The following PCDHGB1 variants were observed in gnomAD, a reference collection of about 807,000 sequenced individuals.
PCDHGB1 encodes the protein protocadherin gamma-B1.
PCDHGB1 carries 34 observed loss-of-function variants against 56.6 expected under a neutral mutation model. The ratio of observed to expected loss-of-function variants is 0.60; its 90% CI spans 0.46 to 0.80. The LOEUF (loss-of-function observed/expected upper bound fraction) is 0.80. Ranked by LOEUF, PCDHGB1 falls within the 30% of genes least tolerant of loss-of-function variation. The pLI is 0.00. For missense variants in PCDHGB1, 1,278 were observed against 1,204.6 expected, an observed-to-expected ratio of 1.06 and a Z score of -0.90; for synonymous variants, 561 against 505.9, an observed-to-expected ratio of 1.11 and a Z score of -1.46.
chr5:141,482,404 A>C (rs1262544355), intron 1 of PCDHGB1, among the ~76,000 whole-genome samples: 1 of 152,076 alleles, frequency 6.6e-6, no homozygotes, highest in Non-Finnish European at 1.5e-5. Flanking sequence ...GTACTCAATA[A>C]CTATTTGTTG....
intron 1 of PCDHGB1, chr5:141,478,479 C>T (rs750055106): frequency 1.9e-6 from 3 of 1,613,550 alleles, no homozygotes; most frequent in Admixed American, 1.7e-5. Context: ...CGCCAGAACA[C>T]GCTGCGGAGC....
At position 141,383,787 on chromosome 5, in the gene PCDHGB1, G is replaced by A. The variant is rs773505278; in HGVS notation, c.2409+31118G>A. 12 of 1,613,832 alleles carry A rather than the reference G, an allele frequency of 7.4e-6. No homozygotes were observed. In the South Asian group the frequency reaches 7.7e-5, roughly 10 times the overall value. On this transcript the variant is annotated intron_variant, in intron 1 of 3. Transcript: ENST00000523390. ...TTCCAAAGATGTTTCATCTGAACTC[G>A]CTTACAGGAGAAATATCAACTTTAG...
rs1301352900 is a variant in PCDHGB1, at chr5:141,491,765, A to T, written c.2410-3042A>T. ...GGCACTGGAGAAGCCGCCCGTCCTC[A>T]TAAGGGATTGAACTTGCATCCACTC... On this transcript the variant is annotated intron_variant, in intron 1 of 3. Transcript: ENST00000523390. The surrounding 1 kb of genome is among the most constrained non-coding windows in gnomAD (Gnocchi z 6.9). 1.3e-6 allele frequency: 2 copies of T among 1,569,228 alleles called. No individual in the cohort carries two copies. Among genetic ancestry groups the T allele is most frequent in the Non-Finnish European group, 1.7e-6 (2 of 1,158,736 alleles).
intron 1 of PCDHGB1, chr5:141,393,420 G>A (rs2092755571): frequency 1.2e-6 from 2 of 1,614,050 alleles, no homozygotes; most frequent in Non-Finnish European, 1.7e-6. Context: ...CCTGGACAGG[G>A]AGGAAGAGGC....
intron 1 of PCDHGB1, chr5:141,430,441 C>A (rs1168234012): frequency 5.2e-6 from 1 of 192,346 alleles, no homozygotes; most frequent in Non-Finnish European, 1.0e-5. Flanking sequence ...GATTTCCATC[C>A]CCTTTTGAAG....
intron 1 of PCDHGB1, chr5:141,385,646 C>A: frequency 1.4e-6 from 1 of 737,590 alleles, no homozygotes; most frequent in Non-Finnish European, 1.7e-6. Flanking sequence ...TTTCATATTG[C>A]ACAAGGTTAG....
chr5:141,350,496 G>C lies in PCDHGB1; in HGVS notation c.236G>C (p.Gly79Ala). ...TATTTCAACGTTAGTTTGGAGAGCGGGGATTTGTTAGTGAACGGTAGGATA... is the reference window on the plus strand; with the variant it reads ...TATTTCAACGTTAGTTTGGAGAGCGCGGATTTGTTAGTGAACGGTAGGATA... Reference protein sequence around the residue: ...EDYFNVSLESGDLLVNGRIDR... With the variant: ...EDYFNVSLESADLLVNGRIDR... The change falls in exon 1 of 4, where the codon GGG becomes GCG. Residue 79 changes from glycine to alanine, a missense_variant. Physicochemically the swap from Gly to Ala is moderately conservative, Grantham distance 60. Coordinates refer to ENST00000523390, the MANE Select transcript of PCDHGB1 (RefSeq NM_018922.3). The C allele has an allele frequency of 6.2e-7, 1 of 1,614,034 alleles. No homozygotes were observed. The highest frequency in any genetic ancestry group is 1.3e-5 in the African/African-American group (1 of 75,048).
At position 141,491,566 on chromosome 5, in the gene PCDHGB1, A is replaced by G; in HGVS notation, c.2410-3241A>G. Reference sequence around the variant, plus strand: ...AGACTCGCAGAGCCACTGCTACAGGACGTGCTTTTCACCGGCCTCGGACGG... The same window carrying G: ...AGACTCGCAGAGCCACTGCTACAGGGCGTGCTTTTCACCGGCCTCGGACGG... On this transcript the variant is annotated intron_variant, in intron 1 of 3. Transcript: ENST00000523390. This position sits in a 1 kb window ranked among gnomAD's most constrained non-coding sequence, Gnocchi z 6.9. 1 of 1,613,950 alleles carries G rather than the reference A, an allele frequency of 6.2e-7. No individual in the cohort carries two copies.
At chr5:141,371,681 T>A (rs529874051) in intron 1 of PCDHGB1, 27 of 1,613,832 alleles carry the variant, frequency 1.7e-5, no homozygotes, top group Non-Finnish European at 2.0e-5. Flanking sequence ...ACAAAGGCAA[T>A]CCACCGCTCT....
rs767340665 is a variant in PCDHGB1, at chr5:141,351,013, C to A, written c.753C>A (p.Asn251Lys). 1 of 1,614,062 alleles carries A rather than the reference C, an allele frequency of 6.2e-7. No homozygotes were observed. The highest frequency in any genetic ancestry group is 2.2e-5 in the East Asian group (1 of 44,890). The stretch of plus-strand genomic sequence containing the variant: ...TATACAGGGTTAGCCTCCAAGAAAA[C>A]GTACCGTGGGGAACCTCCGTGCTGC... ...QEVYRVSLQE[N>K]VPWGTSVLRV... Residue 251 changes from asparagine (N) to lysine (K), a missense_variant, in exon 1 of 4, where the codon AAC becomes AAA. Physicochemically the swap from Asn to Lys is moderately conservative, Grantham distance 94. Transcript: ENST00000523390.
At chr5:141,373,797 C>G (rs1369464661) in intron 1 of PCDHGB1, 1 of 311,662 alleles carries the variant, frequency 3.2e-6, no homozygotes, top group Non-Finnish European at 5.8e-6. Context: ...AAATAAAATC[C>G]TCTGTGTGAT....
At chr5:141,427,188 A>G (rs1346514063) in intron 1 of PCDHGB1, 1 of 456,744 alleles carries the variant, frequency 2.2e-6, no homozygotes, top group Admixed American at 2.3e-5. Flanking sequence ...AATTAAATCC[A>G]AAGACTTAAT....
rs530139788 is a variant in PCDHGB1, at chr5:141,509,165, C to A, written c.2558-1782C>A. On this transcript the variant is annotated intron_variant, in intron 3 of 3. Coordinates refer to ENST00000523390, the MANE Select transcript of PCDHGB1 (RefSeq NM_018922.3). ...TCCCGGCTCTCCCCTCCCGTGTGCC[C>A]TCCTCCTCTTATGCCGGCTTGAAAA... Among the ~76,000 whole-genome samples the A allele has an allele frequency of 1.4e-4, 21 of 152,332 alleles. No individual in the cohort carries two copies. In the South Asian group the frequency reaches 4.1e-3, roughly 30 times the overall value.
In PCDHGB1 at chr5:141,490,363, C is replaced by T. The variant is rs779932482; in HGVS notation, c.2410-4444C>T. 10 of 1,614,036 alleles carry T rather than the reference C, an allele frequency of 6.2e-6. No individual in the cohort carries two copies. The highest frequency in any genetic ancestry group is 1.3e-5 in the African/African-American group (1 of 74,904). The stretch of plus-strand genomic sequence containing the variant: ...CACAGTAGTGGGGTTGTTTAATGTG[C>T]GAGACCGGGACTCAGGTAGAAATGG... On this transcript the variant is annotated intron_variant, in intron 1 of 3. Coordinates refer to ENST00000523390, the MANE Select transcript of PCDHGB1 (RefSeq NM_018922.3). The surrounding 1 kb of genome is among the most constrained non-coding windows in gnomAD (Gnocchi z 5.4).
chr5:141,461,480 G>A (rs1478939044), intron 1 of PCDHGB1, among the ~76,000 whole-genome samples: 1 of 151,970 alleles, frequency 6.6e-6, no homozygotes, highest in Non-Finnish European at 1.5e-5. Context: ...ACTTTTTAAT[G>A]GGATTGTGTT....
chr5:141,502,661 T>G (rs1440361647), intron 2 of PCDHGB1, among the ~76,000 whole-genome samples: 1 of 152,240 alleles, frequency 6.6e-6, no homozygotes. Flanking sequence ...CAACCCTTCA[T>G]GCAATTTTAG....
chr5:141,395,562 G>T (rs975935179), intron 1 of PCDHGB1: 2 of 227,450 alleles, frequency 8.8e-6, no homozygotes, highest in Non-Finnish European at 1.7e-5. Context: ...GTGTGTGTGT[G>T]TGTGTGTGTG....
chr5:141,364,518 G>A (rs769955902), intron 1 of PCDHGB1: 11 of 1,614,038 alleles, frequency 6.8e-6, no homozygotes, highest in Non-Finnish European at 9.3e-6. Context: ...GCGGAGCGCG[G>A]AGTCCGCATC....
intron 1 of PCDHGB1, chr5:141,355,996 G>C (rs1377286666): frequency 1.2e-6 from 2 of 1,613,764 alleles, no homozygotes; most frequent in Non-Finnish European, 1.7e-6. Flanking sequence ...CACCGTAAAA[G>C]CCACTGATCC....
Sources: allele counts gnomAD v4.1 joint callset (sites outside exome capture counted in the v4.1 genomes callset), GRCh38; gene constraint gnomAD v4.1.1; non-coding constraint Gnocchi (gnomAD v3.1); transcripts MANE v1.5; gene names NCBI Gene and HGNC (gene_info 2026-07-23, HGNC 2026-07-21).